The following NPFFR1 variants were observed in gnomAD, a reference collection of about 807,000 sequenced individuals.
The protein encoded by NPFFR1 is G-protein coupled receptor 147.
NPFFR1 carries 17 observed loss-of-function variants against 12.7 expected under a neutral mutation model. The ratio of observed to expected loss-of-function variants is 1.34; its 90% confidence interval spans 0.92 to 2.01. The LOEUF is 2.01. NPFFR1 is among the 30% of genes most tolerant of loss of function. NPFFR1 has a pLI of 0.00. For missense variants in NPFFR1, 604 were observed against 606.5 expected (o/e 1.00, Z 0.04); for synonymous variants, 296 against 264.5 (o/e 1.12, Z -1.16).
rs973977394 is a variant in NPFFR1 at position 70,250,309 on chromosome 10, G to A, written c.*4648C>T. 1.1e-4 allele frequency: 17 copies of A among 152,190 alleles called. No homozygotes were observed. Among genetic ancestry groups the A allele is most frequent in the African/African-American group, 1.7e-4 (7 of 41,456 alleles). 9.4% of individuals were successfully genotyped at this position (152,190 alleles called of 1,614,324 possible). A position where few individuals can be genotyped will look rare whatever the true frequency, so the allele number is the denominator to read the frequency against. On this transcript the variant is annotated 3_prime_UTR_variant, in exon 4 of 4. Coordinates refer to ENST00000277942, the MANE Select transcript of NPFFR1 (RefSeq NM_022146.5). ...TGATGGGAGTACAAAATGGTAGAGC[G>A]ACTTTGGAAAGCACTTTGGCAGTTT...
At chr10:70,262,989 C>A (rs947740508) in intron 2 of NPFFR1, among the ~76,000 whole-genome samples, 1 of 152,098 alleles carries the variant, frequency 6.6e-6, no homozygotes, top group Non-Finnish European at 1.5e-5. Context: ...GAGACTCTGA[C>A]TCTACAAAAA....
intron 3 of NPFFR1, among the ~76,000 whole-genome samples, chr10:70,256,540 A>G (rs1840574904): frequency 6.6e-6 from 1 of 152,360 alleles, no homozygotes; most frequent in South Asian, 2.1e-4. Context: ...TAGAGCCTAC[A>G]TGTCAGGCTG....
At chr10:70,257,125 G>T (rs1038695593) in intron 3 of NPFFR1, among the ~76,000 whole-genome samples, 2 of 152,140 alleles carry the variant, frequency 1.3e-5, no homozygotes, top group Non-Finnish European at 2.9e-5. Context: ...ACCAGATGAG[G>T]GGATGCTTGC....
intron 1 of NPFFR1, among the ~76,000 whole-genome samples, chr10:70,273,502 G>A (rs1000943948): frequency 2.0e-5 from 3 of 152,186 alleles, no homozygotes; most frequent in Non-Finnish European, 2.9e-5. Context: ...CTCCCAAAAA[G>A]AGCCCTGGAT....
In NPFFR1 at chr10:70,250,368, C is replaced by A. The variant is rs1213810826; in HGVS notation, c.*4589G>T. ...GTTAAATTTTACACAGACCATGCAA[C>A]CTACCAATCTCGATCCTAGGTATCT... On this transcript the variant is annotated 3_prime_UTR_variant, in exon 4 of 4. Transcript: ENST00000277942. The A allele has an allele frequency of 6.6e-6, 1 of 152,146 alleles. No homozygotes were observed. The highest frequency in any genetic ancestry group is 1.5e-5 in the Non-Finnish European group (1 of 68,032). 9.4% of individuals were successfully genotyped at this position (152,146 alleles called of 1,614,324 possible). A position where few individuals can be genotyped will look rare whatever the true frequency, so the allele number is the denominator to read the frequency against.
chr10:70,271,712 G>A (rs943978960), intron 1 of NPFFR1, among the ~76,000 whole-genome samples: 3 of 152,050 alleles, frequency 2.0e-5, no homozygotes, highest in African/African-American at 7.2e-5. Flanking sequence ...AGAGCACATC[G>A]TACACATGGC....
intron 2 of NPFFR1, among the ~76,000 whole-genome samples, chr10:70,263,094 G>C (rs1840651020): frequency 6.6e-6 from 1 of 152,086 alleles, no homozygotes; most frequent in African/African-American, 2.4e-5. Context: ...TTGAGGCCAG[G>C]AGTTTGAGGT....
rs545635705 is a variant in NPFFR1 at position 70,248,990 on chromosome 10, T to C, written c.*5967A>G. ...ATGGCTCCCTCTCTCACTTCATATC[T>C]GTACTCAAACATCACCTCTTCACAG... On this transcript the variant is annotated 3_prime_UTR_variant, in exon 4 of 4. Coordinates refer to ENST00000277942, the MANE Select transcript of NPFFR1 (RefSeq NM_022146.5). The C allele has an allele frequency of 6.6e-6, 1 of 152,406 alleles. No homozygotes were observed. Among genetic ancestry groups the C allele is most frequent in the African/African-American group, 2.4e-5 (1 of 41,580 alleles). 9.4% of individuals were successfully genotyped at this position (152,406 alleles called of 1,614,324 possible).
chr10:70,253,165 C>G lies in NPFFR1; in HGVS notation c.*1792G>C, dbSNP rs1840528009. 1 of 152,406 alleles carries G rather than the reference C, an allele frequency of 6.6e-6. No individual in the cohort carries two copies. Among genetic ancestry groups the G allele is most frequent in the African/African-American group, 2.4e-5 (1 of 41,416 alleles). The allele number at this position is 152,406 out of a possible 1,614,324, so 9.4% of individuals were successfully genotyped here. ...GACCCTCATCCATCACCCCCAGAACCAGGACAAGGTCATGATGGCTCTTGG... is the reference window on the plus strand; with the variant it reads ...GACCCTCATCCATCACCCCCAGAACGAGGACAAGGTCATGATGGCTCTTGG... On this transcript the variant is annotated 3_prime_UTR_variant, in exon 4 of 4. Transcript: ENST00000277942.
At chr10:70,268,811 G>C (rs955677532) in intron 1 of NPFFR1, among the ~76,000 whole-genome samples, 4 of 152,168 alleles carry the variant, frequency 2.6e-5, no homozygotes, top group Non-Finnish European at 5.9e-5. Context: ...AAGTCACAAG[G>C]GATGCCCAGG....
At chr10:70,257,000 T>C (rs926024072) in intron 3 of NPFFR1, among the ~76,000 whole-genome samples, 3 of 152,168 alleles carry the variant, frequency 2.0e-5, no homozygotes, top group African/African-American at 7.2e-5. Flanking sequence ...GGTGCCATGG[T>C]TCATGCTTAT....
intron 1 of NPFFR1, among the ~76,000 whole-genome samples, chr10:70,272,770 C>T (rs2136806456): frequency 6.6e-6 from 1 of 152,274 alleles, no homozygotes; most frequent in African/African-American, 2.4e-5. Context: ...CTGTCCAGAG[C>T]CCTAGTGAGG....
chr10:70,264,361 G>A (rs1230801972), intron 2 of NPFFR1, among the ~76,000 whole-genome samples: 2 of 77,284 alleles, frequency 2.6e-5, no homozygotes, highest in African/African-American at 1.1e-4. Context: ...GTGACAGTGA[G>A]ACTCCAAAAA....
Position 70,266,311 on chromosome 10 carries a change from G to A in NPFFR1, c.88C>T (p.Leu30Phe), listed in dbSNP as rs774519628. 2 of 1,613,780 alleles carry A rather than the reference G, an allele frequency of 1.2e-6. No individual in the cohort carries two copies. The highest frequency in any genetic ancestry group is 1.7e-6 in the Non-Finnish European group (2 of 1,179,800). The change falls in exon 2 of 4, where the codon CTC becomes TTC. Residue 30 changes from leucine (L) to phenylalanine (F), a missense_variant. Transcript: ENST00000277942. ...TGCTGATAGTAGGAGGAGAAGGTGA[G>A]GTTTGTAGCCGGGGTGGCCTCAGTG... ...TNTEATPATNLTFSSYYQHTS... is the reference protein window; with the variant it reads ...TNTEATPATNFTFSSYYQHTS...
rs759121496 is a variant in NPFFR1, at chr10:70,266,121, C to T, written c.278G>A (p.Gly93Asp). ...LNLAVSDLLVGIFCMPTTLVD... is the reference protein window; with the variant it reads ...LNLAVSDLLVDIFCMPTTLVD... ...AAGGGTGGTGGGCATGCAGAAGATG[C>T]CCACCAGCAGGTCACTGACAGCCAG... The change falls in exon 2 of 4, where the codon GGC (glycine) becomes GAC (aspartate). Residue 93 changes from glycine to aspartate, a missense_variant. Coordinates refer to ENST00000277942, the MANE Select transcript of NPFFR1 (RefSeq NM_022146.5). 19 of 1,613,966 alleles carry T rather than the reference C, an allele frequency of 1.2e-5. No individual in the cohort carries two copies. Among genetic ancestry groups the T allele is most frequent in the Admixed American group, 5.0e-5 (3 of 60,014 alleles).
chr10:70,282,263 G>A (rs1225181487), intron 1 of NPFFR1, among the ~76,000 whole-genome samples: 1 of 152,118 alleles, frequency 6.6e-6, no homozygotes, highest in Non-Finnish European at 1.5e-5. Flanking sequence ...AAAATTGCCT[G>A]TATCTTGCTC....
chr10:70,254,293 C>G lies in NPFFR1; in HGVS notation c.*664G>C, dbSNP rs74624736. On this transcript the variant is annotated 3_prime_UTR_variant, in exon 4 of 4. Transcript: ENST00000277942. Reference sequence around the variant, plus strand: ...TCCCCAAGGCTCGTTCTGAAGCTGCCGTCCTCTGAGGACAATGGCTTCTTG... The same window carrying G: ...TCCCCAAGGCTCGTTCTGAAGCTGCGGTCCTCTGAGGACAATGGCTTCTTG... 2 of 152,188 alleles carry G rather than the reference C, an allele frequency of 1.3e-5. No individual in the cohort carries two copies. Among genetic ancestry groups the G allele is most frequent in the African/African-American group, 4.8e-5 (2 of 41,416 alleles). 9.4% of individuals were successfully genotyped at this position (152,188 alleles called of 1,614,324 possible).
At chr10:70,276,901 T>C (rs1366659567) in intron 1 of NPFFR1, among the ~76,000 whole-genome samples, 1 of 152,180 alleles carries the variant, frequency 6.6e-6, no homozygotes, top group Non-Finnish European at 1.5e-5. Flanking sequence ...GGGGATCTGA[T>C]AGAAGTTAGC....
rs1275010467 is a variant in NPFFR1, at chr10:70,254,509, C to T, written c.*448G>A. The T allele has an allele frequency of 6.3e-6, 1 of 159,362 alleles. No individual in the cohort carries two copies. Among genetic ancestry groups the T allele is most frequent in the African/African-American group, 2.4e-5 (1 of 41,792 alleles). The allele number at this position is 159,362 out of a possible 1,614,324, so 9.9% of individuals were successfully genotyped here. ...CTTCTTCCTAGCTGCCTAATTAGGA[C>T]TTACTCAGTTCACAGTGTTCTACCT... is the stretch of plus-strand genomic sequence containing the variant. On this transcript the variant is annotated 3_prime_UTR_variant, in exon 4 of 4. Transcript: ENST00000277942.
Sources: gnomAD v4.1 joint callset for allele counts (sites outside exome capture counted in the v4.1 genomes callset) on GRCh38, gnomAD v4.1.1 for gene constraint, MANE v1.5 for transcripts, NCBI Gene and HGNC (gene_info 2026-07-23, HGNC 2026-07-21) for gene names.